Variants in PLPP1 observed in about 807,000 individuals in gnomAD.
PLPP1 encodes the protein phospholipid phosphatase 1.
In PLPP1, 24 loss-of-function variants were observed where a neutral mutation model predicts 31.2. That is an observed-to-expected ratio of 0.77 (90% CI 0.56 to 1.08). The LOEUF (loss-of-function observed/expected upper bound fraction) is 1.08. PLPP1 is among the 50% of genes least tolerant of loss of function. The pLI, the probability that PLPP1 is intolerant of heterozygous loss-of-function variation, is 0.00. For missense variants in PLPP1, 319 were observed against 342.7 expected, an observed-to-expected ratio of 0.93 and a Z score of 0.55; for synonymous variants, 146 against 126.3, an observed-to-expected ratio of 1.16 and a Z score of -1.05.
At chr5:55,504,360 CAA>C (rs34275567) in intron 1 of PLPP1, among the ~76,000 whole-genome samples, 8,414 of 130,394 alleles carry the variant, frequency 0.065, 465 homozygotes, top group African/African-American at 0.14. Flanking sequence ...GACTCTGTAT[CAA>C]AAAAAAAAAA....
chr5:55,519,503 C>A (rs2111931758), intron 1 of PLPP1, among the ~76,000 whole-genome samples: 1 of 152,180 alleles, frequency 6.6e-6, no homozygotes, highest in South Asian at 2.1e-4. Context: ...AATCCCAGCA[C>A]TTTGGGAGGC....
intron 1 of PLPP1, among the ~76,000 whole-genome samples, chr5:55,523,213 T>C (rs1422961493): frequency 2.0e-5 from 3 of 152,170 alleles, no homozygotes; most frequent in African/African-American, 7.2e-5. Context: ...ACCTCAACCA[T>C]TTATTCTTTG....
rs1740624210 is a variant in PLPP1 at position 55,530,460 on chromosome 5, T to C, written c.58+4112A>G. ...ACCAGAAGAACTTGTATTCTCTTGG[T>C]AAGTTTCTGTGTTATCAGATGTGGA... On this transcript the variant is annotated intron_variant, in intron 1 of 5. Coordinates refer to ENST00000307259, the MANE Select transcript of PLPP1 (RefSeq NM_003711.4). 15 of 1,243,064 alleles carry C rather than the reference T, an allele frequency of 1.2e-5. No homozygotes were observed. In the Admixed American group the frequency reaches 2.4e-4, roughly 20 times the overall value. 77.0% of individuals were successfully genotyped at this position (1,243,064 alleles called of 1,614,324 possible). A position where few individuals can be genotyped will look rare whatever the true frequency, so the allele number is the denominator to read the frequency against.
chr5:55,466,508 G>A (rs1345891075), intron 3 of PLPP1, among the ~76,000 whole-genome samples: 2 of 152,174 alleles, frequency 1.3e-5, no homozygotes, highest in Non-Finnish European at 2.9e-5. Context: ...TTTGAGACCA[G>A]CCTGGAAAAC....
intron 2 of PLPP1, among the ~76,000 whole-genome samples, chr5:55,472,663 AG>A (rs199953729): frequency 0.16 from 9,760 of 59,316 alleles, 381 homozygotes; most frequent in Non-Finnish European, 0.25. Context: ...AGAAAGAGAG[AG>A]AGAGACAGAA....
At chr5:55,431,505 T>G (rs1751346676) in intron 4 of PLPP1, among the ~76,000 whole-genome samples, 1 of 151,850 alleles carries the variant, frequency 6.6e-6, no homozygotes, top group South Asian at 2.1e-4. Context: ...GCATGAAAAT[T>G]AAACAACATG....
chr5:55,484,948 A>G (rs1752745800), intron 1 of PLPP1: 1 of 152,252 alleles, frequency 6.6e-6, no homozygotes, highest in African/African-American at 2.4e-5. Flanking sequence ...ATGTGCCAGA[A>G]AAGTGACACA....
At chr5:55,525,133 G>C (rs1753752853) in intron 1 of PLPP1, among the ~76,000 whole-genome samples, 1 of 152,146 alleles carries the variant, frequency 6.6e-6, no homozygotes, top group African/African-American at 2.4e-5. Flanking sequence ...ACATTTTAAA[G>C]TTTGTGTTTT....
At chr5:55,448,832 C>G (rs1272508418) in intron 3 of PLPP1, among the ~76,000 whole-genome samples, 2 of 152,162 alleles carry the variant, frequency 1.3e-5, no homozygotes, top group Non-Finnish European at 2.9e-5. Flanking sequence ...ATACCAAAAT[C>G]CATGGATGCT....
intron 1 of PLPP1, among the ~76,000 whole-genome samples, chr5:55,529,095 A>AT (rs2111957437): frequency 6.6e-6 from 1 of 152,222 alleles, no homozygotes; most frequent in East Asian, 1.9e-4. Context: ...AGCCAACTAG[A>AT]TCACTTAGCA....
chr5:55,474,938 G>T (rs1752502920), intron 2 of PLPP1, among the ~76,000 whole-genome samples: 2 of 150,378 alleles, frequency 1.3e-5, no homozygotes, highest in African/African-American at 4.9e-5. Context: ...TTTTTTTTCT[G>T]TTTTTTTTTA....
intron 5 of PLPP1, chr5:55,425,561 A>AAT (rs1227556887): frequency 2.1e-6 from 1 of 465,334 alleles, no homozygotes; most frequent in Non-Finnish European, 3.6e-6. Flanking sequence ...GCCAATACTG[A>AAT]ATAAAAGAGT....
chr5:55,435,747 C>T (rs952306025), intron 4 of PLPP1, among the ~76,000 whole-genome samples: 6 of 152,128 alleles, frequency 3.9e-5, no homozygotes, highest in African/African-American at 7.2e-5. Context: ...CACACTCCTC[C>T]CTCCCCCATT....
At chr5:55,429,592 G>C (rs894693888) in intron 4 of PLPP1, among the ~76,000 whole-genome samples, 1 of 152,088 alleles carries the variant, frequency 6.6e-6, no homozygotes, top group African/African-American at 2.4e-5. Flanking sequence ...CTGCTCCAGA[G>C]AGGGAGCTCA....
chr5:55,492,698 A>T (rs551504031), intron 1 of PLPP1, among the ~76,000 whole-genome samples: 1 of 152,234 alleles, frequency 6.6e-6, no homozygotes, highest in Admixed American at 6.5e-5. Flanking sequence ...GCCAACATGT[A>T]TTGCATGCTT....
At chr5:55,444,153 C>G (rs2111716911) in intron 3 of PLPP1, among the ~76,000 whole-genome samples, 1 of 150,882 alleles carries the variant, frequency 6.6e-6, no homozygotes, top group African/African-American at 2.4e-5. Context: ...GCAATCTTGG[C>G]TCACTGCAAC....
chr5:55,426,516 G>T (rs981266852), intron 4 of PLPP1, among the ~76,000 whole-genome samples: 2 of 151,946 alleles, frequency 1.3e-5, no homozygotes, highest in Admixed American at 6.6e-5. Flanking sequence ...ATCTTTCCAT[G>T]TCAGTTTCCC....
At chr5:55,448,737 C>T (rs768286165) in intron 3 of PLPP1, among the ~76,000 whole-genome samples, 5 of 152,202 alleles carry the variant, frequency 3.3e-5, no homozygotes, top group East Asian at 3.9e-4. Context: ...CATGAGCCTC[C>T]GCACCCAGCC....
At chr5:55,438,718 G>C (rs1286524147) in intron 4 of PLPP1, among the ~76,000 whole-genome samples, 1 of 152,056 alleles carries the variant, frequency 6.6e-6, no homozygotes, top group Non-Finnish European at 1.5e-5. Context: ...TGGCTAACAC[G>C]GTAAAACCCT....
Sources: allele counts gnomAD v4.1 joint callset (sites outside exome capture counted in the v4.1 genomes callset), GRCh38; gene constraint gnomAD v4.1.1; transcripts MANE v1.5; gene names NCBI Gene and HGNC (gene_info 2026-07-23, HGNC 2026-07-21).